Variants in AGBL4 observed in about 807,000 individuals in gnomAD.
AGBL4 encodes AGBL carboxypeptidase 4, also known as cytosolic carboxypeptidase 6.
A neutral mutation model predicts 66.4 loss-of-function variants in AGBL4; 58 were observed. The observed-to-expected ratio is 0.87, with a 90% CI of 0.71 to 1.09. The LOEUF is 1.09. Among genes scored for constraint, AGBL4 ranks in the 50% least tolerant of loss-of-function variants. The probability of loss-of-function intolerance (pLI) is 0.00; values close to 1 mark genes in which losing one functional copy is unlikely to be tolerated. For synonymous variants in AGBL4, 234 were observed against 222.9 expected (o/e 1.05, Z -0.44); for missense variants, 579 against 631.0 (o/e 0.92, Z 0.88).
chr1:48,826,683 G>A (rs1361182727), intron 6 of AGBL4, among the ~76,000 whole-genome samples: 2 of 152,212 alleles, frequency 1.3e-5, no homozygotes, highest in African/African-American at 4.8e-5. Context: ...CTAGGCAGGA[G>A]AAGAATAAGT....
intron 2 of AGBL4, among the ~76,000 whole-genome samples, chr1:49,733,056 A>C (rs1049892021): frequency 1.3e-5 from 2 of 152,216 alleles, no homozygotes; most frequent in African/African-American, 4.8e-5. Flanking sequence ...ATAACTTATC[A>C]CATACAAAGA....
chr1:49,427,455 G>T (rs1161676437), intron 3 of AGBL4, among the ~76,000 whole-genome samples: 1 of 152,228 alleles, frequency 6.6e-6, no homozygotes, highest in African/African-American at 2.4e-5. Flanking sequence ...CTGGTGGTGT[G>T]TCTGGAATTG....
chr1:49,485,905 C>G (rs944149625), intron 3 of AGBL4, among the ~76,000 whole-genome samples: 5 of 151,890 alleles, frequency 3.3e-5, no homozygotes, highest in African/African-American at 1.2e-4. Context: ...CTAATATTTG[C>G]TAGCATAACA....
Position 48,776,474 on chromosome 1 carries a change from A to G in AGBL4, c.634+90717T>C. 6 of 670,806 alleles carry G rather than the reference A, an allele frequency of 8.9e-6. No individual in the cohort carries two copies. In the South Asian group the frequency reaches 1.6e-4, roughly 18 times the overall value. The allele number at this position is 670,806 out of a possible 1,614,324, so 41.6% of individuals were successfully genotyped here. On this transcript the variant is annotated intron_variant, in intron 6 of 13. Transcript: ENST00000371839. ...CACCCCGTTCCCAAATGAAATGCCCAGAGGACGGGAGAAGGAGGCAGGAAG... is the reference window on the plus strand; with the variant it reads ...CACCCCGTTCCCAAATGAAATGCCCGGAGGACGGGAGAAGGAGGCAGGAAG...
chr1:49,848,439 A>G (rs907884129), intron 2 of AGBL4, among the ~76,000 whole-genome samples: 4 of 152,246 alleles, frequency 2.6e-5, no homozygotes, highest in African/African-American at 7.2e-5. Context: ...TCAATGCAGG[A>G]TTGCATAAAG....
intron 3 of AGBL4, among the ~76,000 whole-genome samples, chr1:49,250,092 G>T (rs1651929563): frequency 6.6e-6 from 1 of 152,172 alleles, no homozygotes; most frequent in Non-Finnish European, 1.5e-5. Context: ...AGGATTAAGA[G>T]AAGTTAATTA....
intron 9 of AGBL4, among the ~76,000 whole-genome samples, chr1:48,608,569 G>GGATGGATA (rs1645187208): frequency 6.6e-6 from 1 of 151,834 alleles, no homozygotes; most frequent in African/African-American, 2.4e-5. Context: ...ATGGATGGAT[G>GGATGGATA]GATAGATGGA....
chr1:49,129,988 T>G (rs1359000513), intron 4 of AGBL4, among the ~76,000 whole-genome samples: 1 of 152,196 alleles, frequency 6.6e-6, no homozygotes, highest in Admixed American at 6.5e-5. Flanking sequence ...GTTTCCTGAC[T>G]TTTTAATGAT....
intron 2 of AGBL4, among the ~76,000 whole-genome samples, chr1:49,818,949 C>T (rs1250090616): frequency 6.6e-6 from 1 of 152,082 alleles, no homozygotes; most frequent in Non-Finnish European, 1.5e-5. Context: ...AGAGTCCAGG[C>T]CTTTGATTTG....
At chr1:49,045,830 A>G in intron 4 of AGBL4, 30 bp from the exon 5 acceptor site, 1 of 1,519,010 alleles carries the variant, frequency 6.6e-7, no homozygotes, top group Non-Finnish European at 8.9e-7. Context: ...AAATTTGGGC[A>G]TATGAGACAT....
At chr1:49,098,087 T>C (rs1571441402) in intron 4 of AGBL4, among the ~76,000 whole-genome samples, 1 of 152,252 alleles carries the variant, frequency 6.6e-6, no homozygotes, top group East Asian at 1.9e-4. Flanking sequence ...GCAAGAGATG[T>C]AGGCTTGAAC....
intron 6 of AGBL4, among the ~76,000 whole-genome samples, chr1:48,733,051 G>A (rs1278846623): frequency 6.6e-6 from 1 of 152,202 alleles, no homozygotes. Context: ...CAGAAGGCTG[G>A]GAGGGGAAGG....
intron 2 of AGBL4, among the ~76,000 whole-genome samples, chr1:49,800,285 G>C (rs1376210076): frequency 1.3e-5 from 2 of 151,822 alleles, no homozygotes; most frequent in Non-Finnish European, 2.9e-5. Context: ...CTCACTTTTT[G>C]TCCCTTGCTG....
intron 2 of AGBL4, among the ~76,000 whole-genome samples, chr1:49,790,303 G>T (rs536531755): frequency 1.3e-5 from 2 of 150,040 alleles, no homozygotes; most frequent in Non-Finnish European, 3.0e-5. Flanking sequence ...GGTGGAGGTT[G>T]CAGTGAGCTG....
chr1:49,654,755 T>C (rs947022427), intron 3 of AGBL4, among the ~76,000 whole-genome samples: 1 of 152,200 alleles, frequency 6.6e-6, no homozygotes, highest in Admixed American at 6.5e-5. Context: ...CCCCTGCCTT[T>C]TTTTGCTTTC....
At chr1:49,918,647 T>C (rs1398489553) in intron 1 of AGBL4, among the ~76,000 whole-genome samples, 2 of 152,204 alleles carry the variant, frequency 1.3e-5, no homozygotes, top group Non-Finnish European at 2.9e-5. Context: ...AGCCGAATTC[T>C]ACCAGAGGTA....
At chr1:49,405,464 C>T (rs943819708) in intron 3 of AGBL4, among the ~76,000 whole-genome samples, 1 of 152,102 alleles carries the variant, frequency 6.6e-6, no homozygotes, top group African/African-American at 2.4e-5. Context: ...ATTCCATGGG[C>T]TCATGATAAG....
At position 49,749,439 on chromosome 1, in the gene AGBL4, A is replaced by G. The variant is rs182359887; in HGVS notation, c.158-52002T>C. On this transcript the variant is annotated intron_variant, in intron 2 of 13. Coordinates refer to ENST00000371839, the MANE Select transcript of AGBL4 (RefSeq NM_032785.4). ...AGGCATAAAGATTAGGAAAGAGGAA[A>G]TAATACTAAAACTTTCCTTATTAAC... Among the ~76,000 whole-genome samples, 540 of 152,310 alleles carry G rather than the reference A, an allele frequency of 3.5e-3. 8 individuals are homozygous for G. The highest frequency in any genetic ancestry group is 9.4e-4 in the Non-Finnish European group (64 of 68,036).
At chr1:48,998,242 T>C (rs1661157872) in intron 5 of AGBL4, among the ~76,000 whole-genome samples, 1 of 152,202 alleles carries the variant, frequency 6.6e-6, no homozygotes, top group Non-Finnish European at 1.5e-5. Flanking sequence ...AGTTTATAAA[T>C]GTGGAGCTGG....
Sources: gnomAD v4.1 joint callset for allele counts (sites outside exome capture counted in the v4.1 genomes callset) on GRCh38, gnomAD v4.1.1 for gene constraint, MANE v1.5 for transcripts, NCBI Gene and HGNC (gene_info 2026-07-23, HGNC 2026-07-21) for gene names.